Variants in NPAT observed in about 807,000 individuals in gnomAD.
NPAT encodes protein NPAT.
A neutral mutation model predicts 130.7 loss-of-function variants in NPAT; 52 were observed. That is an observed-to-expected ratio of 0.40 (90% confidence interval 0.32 to 0.50). The LOEUF (loss-of-function observed/expected upper bound fraction) is 0.50, where lower values mean the gene tolerates loss of function less well. NPAT is among the 20% of genes least tolerant of loss of function. The pLI, the probability that NPAT is intolerant of heterozygous loss-of-function variation, is 0.68. For synonymous variants in NPAT, 580 were observed against 584.8 expected (o/e 0.99, Z 0.12); for missense variants, 1,687 against 1,662.6 (o/e 1.01, Z -0.26).
At chr11:108,169,679 G>A in intron 15 of NPAT, 65 bp downstream of exon 15, 1 of 1,121,500 alleles carries the variant, frequency 8.9e-7, no homozygotes, top group South Asian at 1.2e-5. Context: ...AAAACATTTA[G>A]GTGTTGCTGC....
At chr11:108,199,159 TG>T (rs2078251448) in intron 1 of NPAT, among the ~76,000 whole-genome samples, 2 of 152,156 alleles carry the variant, frequency 1.3e-5, no homozygotes, top group South Asian at 2.1e-4. Flanking sequence ...TAACGGTCCT[TG>T]GGGGCTCAGA....
At chr11:108,188,312 G>T in intron 6 of NPAT, 133 bp from the exon 7 acceptor site, 2 of 704,154 alleles carry the variant, frequency 2.8e-6, no homozygotes, top group Non-Finnish European at 5.0e-6. Context: ...CCTACCATGT[G>T]TAAAGCATGG....
chr11:108,181,833 G>A (rs2078061322), intron 10 of NPAT, among the ~76,000 whole-genome samples: 1 of 152,146 alleles, frequency 6.6e-6, no homozygotes, highest in Non-Finnish European at 1.5e-5. Context: ...AGGTTATTCA[G>A]GTCATGGACT....
intron 1 of NPAT, among the ~76,000 whole-genome samples, chr11:108,213,617 A>G (rs896752875): frequency 3.9e-5 from 6 of 152,224 alleles, no homozygotes; most frequent in Non-Finnish European, 5.9e-5. Flanking sequence ...TTCCTATCAT[A>G]ATCTCAACTG....
chr11:108,177,724 TTTTTG>T (rs763645081), intron 10 of NPAT, among the ~76,000 whole-genome samples: 10 of 152,040 alleles, frequency 6.6e-5, no homozygotes, highest in Non-Finnish European at 1.2e-4. Context: ...GTTCCCTTTT[TTTTTG>T]TTTTGAGACA....
chr11:108,185,143 G>T, intron 10 of NPAT, 89 bp downstream of exon 10: 1 of 831,380 alleles, frequency 1.2e-6, no homozygotes, highest in Non-Finnish European at 2.1e-6. Flanking sequence ...ATCTTATGTT[G>T]GCAATGGTTT....
intron 1 of NPAT, among the ~76,000 whole-genome samples, chr11:108,200,826 T>C (rs1221497710): frequency 6.6e-6 from 1 of 152,164 alleles, no homozygotes; most frequent in Non-Finnish European, 1.5e-5. Context: ...TATACCCTAC[T>C]AACTCAAATA....
intron 5 of NPAT, 56 bp from the exon 6 acceptor site, chr11:108,189,386 G>C (rs934070145): frequency 2.0e-6 from 3 of 1,499,094 alleles, no homozygotes; most frequent in Middle Eastern, 1.7e-4. Context: ...TTTGGGAATT[G>C]TAAGAAGTCA....
At position 108,189,113 on chromosome 11, in the gene NPAT, A is replaced by G. The variant is rs769868884; in HGVS notation, c.549T>C (p.Thr183=). 1.4e-5 allele frequency: 22 copies of G among 1,612,612 alleles called. No homozygotes were observed. The East Asian group carries it at 4.9e-4, about 36-fold the overall frequency. The stretch of plus-strand genomic sequence containing the variant: ...AACAAAATGTAAACTTACTGGTTAC[A>G]GTATCTTGTGACTGTGAGTGGTTGA... ...VVVNHSQSQD[T]VTTGEALNVI... is the part of the protein sequence containing the mutation. The change falls in exon 6 of 18, where the codon ACT becomes ACC. Residue 183 remains threonine (T), a synonymous_variant. Transcript: ENST00000278612.
intron 1 of NPAT, among the ~76,000 whole-genome samples, chr11:108,201,078 A>G (rs2078271993): frequency 6.6e-6 from 1 of 152,152 alleles, no homozygotes; most frequent in African/African-American, 2.4e-5. Flanking sequence ...GTTCCAATTG[A>G]GGAAGTCTCA....
chr11:108,221,810 C>G (rs2078505687), intron 1 of NPAT, among the ~76,000 whole-genome samples: 1 of 152,292 alleles, frequency 6.6e-6, no homozygotes, highest in South Asian at 2.1e-4. Context: ...TACACCCTGA[C>G]AGACAAGTGA....
At chr11:108,200,303 T>C (rs2078263148) in intron 1 of NPAT, among the ~76,000 whole-genome samples, 1 of 152,208 alleles carries the variant, frequency 6.6e-6, no homozygotes, top group East Asian at 1.9e-4. Flanking sequence ...GTGAGGGATG[T>C]CTCAGGAAAG....
intron 2 of NPAT, among the ~76,000 whole-genome samples, chr11:108,196,068 T>G (rs2078216932): frequency 6.6e-6 from 1 of 152,240 alleles, no homozygotes; most frequent in Non-Finnish European, 1.5e-5. Context: ...TTGCACAATT[T>G]TTTTCTTATG....
rs1030041700 is a variant in NPAT at position 108,173,404 on chromosome 11, G to A, written c.1580C>T (p.Ser527Phe). The change falls in exon 13 of 18, where the codon TCT (serine) becomes TTT (phenylalanine). Residue 527 changes from serine to phenylalanine, a missense_variant. Around this residue, in one of 3 missense-constraint regions of NPAT, gnomAD observed 1,379 missense variants for 1,346.6 expected, o/e 1.02. Transcript: ENST00000278612. ...CEANNENLIL[S>F]GKSSQLLSQD... ...GGATAAAAGTTGAGAACTCTTCCCA[G>A]AGAGAATTAAGTTTTCATTGTTAGC... 2.5e-6 allele frequency: 4 copies of A among 1,613,934 alleles called. No individual in the cohort carries two copies. The African/African-American group carries it at 4.0e-5, about 16-fold the overall frequency.
intron 5 of NPAT, 79 bp downstream of exon 5, chr11:108,190,381 G>T: frequency 2.5e-5 from 22 of 867,208 alleles, no homozygotes; most frequent in Non-Finnish European, 4.3e-5. Flanking sequence ...CTTAGCACAT[G>T]TGTACAATGA....
chr11:108,178,462 T>C (rs1359152993), intron 10 of NPAT, among the ~76,000 whole-genome samples: 1 of 152,144 alleles, frequency 6.6e-6, no homozygotes, highest in Non-Finnish European at 1.5e-5. Flanking sequence ...AGATTTAATA[T>C]TGCTAAGATT....
chr11:108,197,987 G>A (rs978344874), intron 1 of NPAT, among the ~76,000 whole-genome samples: 1 of 152,208 alleles, frequency 6.6e-6, no homozygotes, highest in Non-Finnish European at 1.5e-5. Flanking sequence ...ACTAGTGAAG[G>A]AAGGCTAAGG....
intron 10 of NPAT, among the ~76,000 whole-genome samples, chr11:108,180,016 G>T (rs1298697045): frequency 6.6e-6 from 1 of 152,124 alleles, no homozygotes; most frequent in Non-Finnish European, 1.5e-5. Flanking sequence ...CTGATAAGGG[G>T]TTAATATCAA....
intron 1 of NPAT, chr11:108,208,531 C>T (rs1179187310): frequency 1.3e-5 from 6 of 450,554 alleles, no homozygotes; most frequent in Admixed American, 7.1e-5. Flanking sequence ...GAGGCTGCAG[C>T]GAACCATGAC....
Sources: allele counts gnomAD v4.1 joint callset (sites outside exome capture counted in the v4.1 genomes callset), GRCh38; gene constraint gnomAD v4.1.1; regional missense constraint gnomAD v4.1.1; transcripts MANE v1.5; gene names NCBI Gene and HGNC (gene_info 2026-07-23, HGNC 2026-07-21).